Variants in B3GALT1 observed in about 807,000 individuals in gnomAD.
The protein encoded by B3GALT1 is UDP-Gal:betaGlcNAc beta 1,3-galactosyltransferase, polypeptide 1.
Under a neutral mutation model 23.2 loss-of-function variants are expected in B3GALT1, and 10 were observed. The observed-to-expected ratio is 0.43, with a 90% CI of 0.27 to 0.73. B3GALT1 has a LOEUF of 0.73. B3GALT1 is among the 30% of genes least tolerant of loss of function. The pLI, the probability that B3GALT1 is intolerant of heterozygous loss-of-function variation, is 0.21. For synonymous variants in B3GALT1, 156 were observed against 141.5 expected (o/e 1.10, Z -0.73); for missense variants, 299 against 405.4 (o/e 0.74, Z 2.25).
At chr2:167,566,393 C>G (rs1684167859) in intron 2 of B3GALT1, among the ~76,000 whole-genome samples, 1 of 151,606 alleles carries the variant, frequency 6.6e-6, no homozygotes, top group Non-Finnish European at 1.5e-5. Context: ...GGAGATATAC[C>G]TAATGCTAAA....
chr2:167,582,982 T>TA (rs1684514822), intron 2 of B3GALT1, among the ~76,000 whole-genome samples: 1 of 152,192 alleles, frequency 6.6e-6, no homozygotes, highest in Non-Finnish European at 1.5e-5. Flanking sequence ...GCTCTGTGCT[T>TA]AGCCATCCCA....
At chr2:167,630,566 G>A (rs1685421814) in intron 2 of B3GALT1, among the ~76,000 whole-genome samples, 1 of 151,588 alleles carries the variant, frequency 6.6e-6, no homozygotes, top group African/African-American at 2.4e-5. Flanking sequence ...GTTTTAAGCA[G>A]TAAGTGCTGA....
chr2:167,565,805 C>G (rs1574142453), intron 2 of B3GALT1, among the ~76,000 whole-genome samples: 1 of 152,112 alleles, frequency 6.6e-6, no homozygotes, highest in Non-Finnish European at 1.5e-5. Flanking sequence ...AATGAGATAC[C>G]ATCTCACACC....
At chr2:167,306,685 A>G (rs943933978) in intron 1 of B3GALT1, among the ~76,000 whole-genome samples, 5 of 151,988 alleles carry the variant, frequency 3.3e-5, no homozygotes, top group East Asian at 1.9e-4. Flanking sequence ...ATTGTCTTCT[A>G]TGTAACAAAG....
chr2:167,461,291 A>G (rs1699255690), intron 1 of B3GALT1, among the ~76,000 whole-genome samples: 1 of 152,232 alleles, frequency 6.6e-6, no homozygotes, highest in Non-Finnish European at 1.5e-5. Context: ...CTAATAGCCA[A>G]AATTGACCAA....
rs562085436 is a variant in B3GALT1 at position 167,330,058 on chromosome 2, T to A, written c.-511+36724T>A. ...TGCCTCCTGTATCTTATTGTCTAAA[T>A]CTCTTGCTAGACTTGGGAAGTTTTC... On this transcript the variant is annotated intron_variant, in intron 1 of 4. Coordinates refer to ENST00000392690, the MANE Select transcript of B3GALT1 (RefSeq NM_020981.4). Among the ~76,000 whole-genome samples, 3 of 152,254 alleles carry A rather than the reference T, an allele frequency of 2.0e-5. No individual in the cohort carries two copies. The South Asian group carries it at 6.2e-4, about 32-fold the overall frequency.
At chr2:167,620,334 A>G (rs1434283770) in intron 2 of B3GALT1, among the ~76,000 whole-genome samples, 1 of 152,122 alleles carries the variant, frequency 6.6e-6, no homozygotes, top group Non-Finnish European at 1.5e-5. Flanking sequence ...GCTAACCCAT[A>G]GTATACAAGA....
At chr2:167,642,974 CA>C (rs1172486784) in intron 2 of B3GALT1, among the ~76,000 whole-genome samples, 2 of 151,902 alleles carry the variant, frequency 1.3e-5, no homozygotes, top group African/African-American at 4.8e-5. Context: ...ATTATTTCAA[CA>C]AAAAAACTAA....
At chr2:167,446,436 C>G (rs1031981814) in intron 1 of B3GALT1, among the ~76,000 whole-genome samples, 2 of 152,198 alleles carry the variant, frequency 1.3e-5, no homozygotes, top group African/African-American at 4.8e-5. Context: ...GGAAGTTCTC[C>G]TGGATAATAT....
intron 3 of B3GALT1, chr2:167,714,023 G>T (rs1463406615): frequency 1.7e-5 from 26 of 1,541,714 alleles, no homozygotes; most frequent in Non-Finnish European, 2.0e-5. Context: ...TTCATTTTCG[G>T]CAGGGAGAGA....
At chr2:167,728,936 A>G (rs1558961331) in intron 3 of B3GALT1, among the ~76,000 whole-genome samples, 2 of 152,328 alleles carry the variant, frequency 1.3e-5, no homozygotes, top group East Asian at 1.9e-4. Flanking sequence ...ACAAATGGAA[A>G]TGCTTTTTTT....
intron 1 of B3GALT1, among the ~76,000 whole-genome samples, chr2:167,410,671 G>A (rs376454879): frequency 1.4e-4 from 21 of 152,078 alleles, no homozygotes; most frequent in African/African-American, 4.6e-4. Context: ...GATGGGTGCA[G>A]CAAACCACCA....
At chr2:167,521,987 T>TATATATATATATATATATATATATACAC (rs1323364702) in intron 2 of B3GALT1, among the ~76,000 whole-genome samples, 30 of 114,122 alleles carry the variant, frequency 2.6e-4, no homozygotes, top group Admixed American at 4.1e-4. Flanking sequence ...TGTGTGTGTA[T>TATATATATATATATATATATATATACAC]ATATATATAT....
At chr2:167,437,874 T>G (rs1350581430) in intron 1 of B3GALT1, among the ~76,000 whole-genome samples, 7 of 152,176 alleles carry the variant, frequency 4.6e-5, no homozygotes, top group African/African-American at 1.7e-4. Context: ...ATTCACATCT[T>G]CTCTGCTGAT....
intron 1 of B3GALT1, among the ~76,000 whole-genome samples, chr2:167,455,926 A>C (rs905753983): frequency 3.3e-5 from 5 of 152,172 alleles, no homozygotes; most frequent in African/African-American, 1.2e-4. Context: ...CCCAACCAAC[A>C]CATATATAAT....
At chr2:167,745,077 T>C (rs1687632763) in intron 3 of B3GALT1, among the ~76,000 whole-genome samples, 1 of 150,950 alleles carries the variant, frequency 6.6e-6, no homozygotes, top group South Asian at 2.1e-4. Flanking sequence ...TCCCTTTACA[T>C]TTTGAATTAA....
chr2:167,511,453 C>G (rs1232476821), intron 2 of B3GALT1, among the ~76,000 whole-genome samples: 1 of 152,156 alleles, frequency 6.6e-6, no homozygotes, highest in African/African-American at 2.4e-5. Context: ...TGTTTGCTTC[C>G]CTTTTCACCA....
At chr2:167,795,918 C>T (rs1688539076) in intron 3 of B3GALT1, among the ~76,000 whole-genome samples, 1 of 152,190 alleles carries the variant, frequency 6.6e-6, no homozygotes, top group Non-Finnish European at 1.5e-5. Flanking sequence ...ATATCCTGGG[C>T]AGTGCATTCA....
At chr2:167,476,494 T>C (rs939510810) in intron 1 of B3GALT1, among the ~76,000 whole-genome samples, 5 of 152,154 alleles carry the variant, frequency 3.3e-5, no homozygotes, top group African/African-American at 1.2e-4. Context: ...TTGAAAGATA[T>C]AAATTATGAT....
Sources: gnomAD v4.1 joint callset for allele counts (sites outside exome capture counted in the v4.1 genomes callset) on GRCh38, gnomAD v4.1.1 for gene constraint, MANE v1.5 for transcripts, NCBI Gene and HGNC (gene_info 2026-07-23, HGNC 2026-07-21) for gene names.